Variants in CPA6 observed in about 807,000 individuals in gnomAD.
CPA6 encodes carboxypeptidase B.
Under a neutral mutation model 63.3 loss-of-function variants are expected in CPA6, and 58 were observed. The observed-to-expected ratio is 0.92, with a 90% CI of 0.74 to 1.14. The LOEUF (loss-of-function observed/expected upper bound fraction) is 1.14. Among genes scored for constraint, CPA6 ranks in the 50% most tolerant of loss-of-function variants. The pLI, the probability that CPA6 is intolerant of heterozygous loss-of-function variation, is 0.00. For synonymous variants in CPA6, 185 were observed against 179.0 expected, an observed-to-expected ratio of 1.03 and a Z score of -0.27; for missense variants, 565 against 526.6, an observed-to-expected ratio of 1.07 and a Z score of -0.71.
At chr8:67,643,317 C>A (rs1173337597) in intron 1 of CPA6, among the ~76,000 whole-genome samples, 3 of 152,008 alleles carry the variant, frequency 2.0e-5, no homozygotes. Flanking sequence ...TAGAAACAAC[C>A]CAAACTTTTC....
intron 1 of CPA6, among the ~76,000 whole-genome samples, chr8:67,734,164 C>T (rs1395315985): frequency 6.6e-6 from 1 of 151,800 alleles, no homozygotes; most frequent in Admixed American, 6.6e-5. Context: ...AAGTGTGAGC[C>T]ACCAGCCTCC....
At chr8:67,545,707 C>G (rs1350108379) in intron 2 of CPA6, among the ~76,000 whole-genome samples, 1 of 151,816 alleles carries the variant, frequency 6.6e-6, no homozygotes, top group Non-Finnish European at 1.5e-5. Context: ...GGAGAACAGG[C>G]ATGTGCCACC....
At chr8:67,531,062 T>C (rs1367961528) in intron 2 of CPA6, among the ~76,000 whole-genome samples, 1 of 152,192 alleles carries the variant, frequency 6.6e-6, no homozygotes, top group Non-Finnish European at 1.5e-5. Flanking sequence ...AGTTTTATGG[T>C]ATCTTAAAAA....
intron 2 of CPA6, among the ~76,000 whole-genome samples, chr8:67,565,022 G>A (rs527350309): frequency 2.6e-5 from 4 of 152,232 alleles, no homozygotes; most frequent in East Asian, 3.9e-4. Flanking sequence ...ACATGTGGTC[G>A]GATCAGTTAC....
At chr8:67,481,168 G>C (rs1197901377) in intron 8 of CPA6, among the ~76,000 whole-genome samples, 2 of 152,212 alleles carry the variant, frequency 1.3e-5, no homozygotes, top group Non-Finnish European at 2.9e-5. Flanking sequence ...TAAAGATTAA[G>C]TATGGATATT....
intron 8 of CPA6, among the ~76,000 whole-genome samples, chr8:67,451,560 T>A (rs2128955786): frequency 6.6e-6 from 1 of 152,300 alleles, no homozygotes; most frequent in South Asian, 2.1e-4. Flanking sequence ...GCACAATAAA[T>A]GTAATGTGCT....
chr8:67,447,015 C>T (rs770310187), intron 8 of CPA6, among the ~76,000 whole-genome samples: 11 of 105,460 alleles, frequency 1.0e-4, no homozygotes, highest in East Asian at 3.3e-4. Context: ...TATATATATA[C>T]ACACACACAT....
intron 8 of CPA6, among the ~76,000 whole-genome samples, chr8:67,455,454 A>G (rs1226343814): frequency 6.6e-6 from 1 of 152,062 alleles, no homozygotes; most frequent in Non-Finnish European, 1.5e-5. Context: ...ACTTTACTCT[A>G]ATATACTTTT....
chr8:67,646,609 G>T (rs192913803), intron 1 of CPA6, among the ~76,000 whole-genome samples: 2 of 152,200 alleles, frequency 1.3e-5, no homozygotes, highest in Non-Finnish European at 2.9e-5. Flanking sequence ...ATCATTTTAG[G>T]TAGTGATGAG....
chr8:67,713,095 G>GTATATATATATATA (rs755642095), intron 1 of CPA6, among the ~76,000 whole-genome samples: 26 of 86,344 alleles, frequency 3.0e-4, no homozygotes, highest in East Asian at 9.1e-4. Flanking sequence ...GTGTGTGTGT[G>GTATATATATATATA]TGTGTATATA....
intron 1 of CPA6, among the ~76,000 whole-genome samples, chr8:67,677,708 C>G (rs936915648): frequency 6.6e-6 from 1 of 152,098 alleles, no homozygotes; most frequent in African/African-American, 2.4e-5. Context: ...TCTTGCTCCA[C>G]TAGAAAGAAA....
In CPA6 at chr8:67,597,782, G is replaced by A. The variant is rs776440961; in HGVS notation, c.192+26394C>T. 8.7e-4 allele frequency among the ~76,000 whole-genome samples: 133 copies of A among 152,156 alleles called. 1 individual carries two copies. The highest frequency in any genetic ancestry group is 7.3e-4 in the Non-Finnish European group (50 of 68,030). On this transcript the variant is annotated intron_variant, in intron 2 of 10. Transcript: ENST00000297770. ...CAGTAGCTTAGTAGGCTTAAATGCT[G>A]TACAATGTCTCTAACTCTACTCTTT...
chr8:67,667,021 G>A (rs936187309), intron 1 of CPA6, among the ~76,000 whole-genome samples: 1 of 152,038 alleles, frequency 6.6e-6, no homozygotes, highest in Non-Finnish European at 1.5e-5. Context: ...GGTTATTACT[G>A]TCTGCAGTGT....
intron 8 of CPA6, among the ~76,000 whole-genome samples, chr8:67,463,000 A>T (rs1174597593): frequency 6.6e-6 from 1 of 152,240 alleles, no homozygotes; most frequent in African/African-American, 2.4e-5. Flanking sequence ...AAGATTTTAC[A>T]TTTAAATTAT....
intron 1 of CPA6, among the ~76,000 whole-genome samples, chr8:67,630,461 G>T (rs2128987978): frequency 6.6e-6 from 1 of 152,230 alleles, no homozygotes; most frequent in South Asian, 2.1e-4. Flanking sequence ...TCTTGTCAAA[G>T]TTATAGCAAA....
chr8:67,524,044 A>G (rs1812312446), intron 2 of CPA6, among the ~76,000 whole-genome samples: 2 of 152,260 alleles, frequency 1.3e-5, no homozygotes. Context: ...TTAGACAATC[A>G]TATCAATTCA....
chr8:67,632,148 C>CTGTGTG lies in CPA6; in HGVS notation c.117-7903_117-7898dup, dbSNP rs35463897. On this transcript the variant is annotated intron_variant, in intron 1 of 10. Transcript: ENST00000297770. ...TTTTGTAAACCTTTAAAAAATGATG[C>CTGTGTG]TGTGTGTGTGTGTGTGTGTGTGTGT... 5.1e-3 allele frequency among the ~76,000 whole-genome samples: 754 copies of CTGTGTG among 147,840 alleles called. 3 individuals are homozygous for CTGTGTG. The highest frequency in any genetic ancestry group is 7.1e-3 in the Non-Finnish European group (473 of 66,826).
At position 67,725,575 on chromosome 8, in the gene CPA6, C is replaced by T. The variant is rs533373977; in HGVS notation, c.116+20439G>A. On this transcript the variant is annotated intron_variant, in intron 1 of 10. Coordinates refer to ENST00000297770, the MANE Select transcript of CPA6 (RefSeq NM_020361.5). ...TCACTCTGTCACCCAGGCTGGAGTG[C>T]AGTGGCACAACCATAGCTCACTGCA... Among the ~76,000 whole-genome samples, 3 of 152,268 alleles carry T rather than the reference C, an allele frequency of 2.0e-5. No individual in the cohort carries two copies. In the East Asian group the frequency reaches 5.8e-4, roughly 29 times the overall value.
chr8:67,583,980 T>A (rs113702218), intron 2 of CPA6, among the ~76,000 whole-genome samples: 134 of 151,620 alleles, frequency 8.8e-4, no homozygotes, highest in African/African-American at 3.0e-3. Context: ...ACATGGTGAA[T>A]CCCCGTCTCT....
Sources: allele counts gnomAD v4.1 joint callset (sites outside exome capture counted in the v4.1 genomes callset), GRCh38; gene constraint gnomAD v4.1.1; transcripts MANE v1.5; gene names NCBI Gene and HGNC (gene_info 2026-07-23, HGNC 2026-07-21).